The following MYT1L variants were observed in gnomAD, a reference collection of about 807,000 sequenced individuals.
MYT1L encodes myelin transcription factor 1-like protein.
Under a neutral mutation model 126.7 loss-of-function variants are expected in MYT1L, and 12 were observed. The observed-to-expected ratio is 0.09, with a 90% CI of 0.06 to 0.15. The LOEUF is 0.15. MYT1L is among the 10% of genes least tolerant of loss of function. The pLI, the probability that MYT1L is intolerant of heterozygous loss-of-function variation, is 1.00. For missense variants in MYT1L, 979 were observed against 1,585.2 expected (o/e 0.62, Z 6.49); for synonymous variants, 541 against 604.2 (o/e 0.90, Z 1.53).
intron 3 of MYT1L, among the ~76,000 whole-genome samples, chr2:2,155,318 C>A (rs1414069747): frequency 6.6e-6 from 1 of 152,186 alleles, no homozygotes; most frequent in Non-Finnish European, 1.5e-5. Flanking sequence ...CTCAGGGAAA[C>A]GAGAGCAAAG....
chr2:2,068,325 TC>T (rs1207280104), intron 3 of MYT1L, among the ~76,000 whole-genome samples: 2 of 152,080 alleles, frequency 1.3e-5, no homozygotes, highest in Non-Finnish European at 2.9e-5. Flanking sequence ...TGAAGCTTTC[TC>T]CAGGAAAACA....
At chr2:2,057,345 C>T (rs542633866) in intron 3 of MYT1L, among the ~76,000 whole-genome samples, 42 of 152,212 alleles carry the variant, frequency 2.8e-4, no homozygotes, top group Middle Eastern at 3.4e-3. Context: ...CACAGCCACG[C>T]CCAGCCTCTT....
At chr2:1,988,105 T>TC (rs2061186997) in intron 5 of MYT1L, among the ~76,000 whole-genome samples, 1 of 152,148 alleles carries the variant, frequency 6.6e-6, no homozygotes, top group Non-Finnish European at 1.5e-5. Flanking sequence ...TTGTGAGACC[T>TC]CCACCCTCCC....
chr2:2,099,795 T>C (rs1249424696), intron 3 of MYT1L, among the ~76,000 whole-genome samples: 1 of 152,260 alleles, frequency 6.6e-6, no homozygotes, highest in Non-Finnish European at 1.5e-5. Context: ...TTTTAAGGTA[T>C]GAATTCCGTT....
intron 3 of MYT1L, among the ~76,000 whole-genome samples, chr2:2,103,406 C>T (rs774657287): frequency 4.6e-5 from 7 of 152,224 alleles, no homozygotes; most frequent in East Asian, 1.9e-4. Flanking sequence ...CATGGCAACA[C>T]GTCCTCCTCT....
At chr2:2,069,274 C>T (rs1248364413) in intron 3 of MYT1L, among the ~76,000 whole-genome samples, 2 of 152,032 alleles carry the variant, frequency 1.3e-5, no homozygotes, top group African/African-American at 2.4e-5. Context: ...TCCCTGTGTC[C>T]ATGTGTTCTC....
At chr2:1,940,301 C>G (rs998191787) in intron 9 of MYT1L, among the ~76,000 whole-genome samples, 3 of 150,758 alleles carry the variant, frequency 2.0e-5, no homozygotes, top group Non-Finnish European at 4.4e-5. Flanking sequence ...CTGCACCCTG[C>G]CAGGATGCTC....
At chr2:2,123,410 C>T (rs1318002060) in intron 3 of MYT1L, among the ~76,000 whole-genome samples, 1 of 152,064 alleles carries the variant, frequency 6.6e-6, no homozygotes, top group Non-Finnish European at 1.5e-5. Flanking sequence ...GATCTGTGTC[C>T]CGCCCAAATC....
intron 4 of MYT1L, among the ~76,000 whole-genome samples, chr2:2,032,090 C>A (rs1169569025): frequency 3.1e-4 from 33 of 105,370 alleles, no homozygotes; most frequent in African/African-American, 1.3e-3. Context: ...GAGGGCCTTA[C>A]ACACACCCCT....
intron 2 of MYT1L, among the ~76,000 whole-genome samples, chr2:2,182,603 T>C (rs949173228): frequency 6.6e-6 from 1 of 152,142 alleles, no homozygotes; most frequent in South Asian, 2.1e-4. Flanking sequence ...TAGGGAGGGC[T>C]GGAGGCTTAG....
chr2:1,854,592 A>G (rs6712920), intron 18 of MYT1L, among the ~76,000 whole-genome samples: 69,629 of 152,108 alleles, frequency 0.46, 16,945 homozygotes, highest in Middle Eastern at 0.66. Flanking sequence ...AAACAAACAA[A>G]ACTATATTGA....
At chr2:1,849,693 T>C (rs2042966555) in intron 19 of MYT1L, among the ~76,000 whole-genome samples, 1 of 152,256 alleles carries the variant, frequency 6.6e-6, no homozygotes, top group Non-Finnish European at 1.5e-5. Flanking sequence ...GGAATCTGGG[T>C]GAAGAGCTTG....
chr2:2,126,067 T>G (rs1015030449), intron 3 of MYT1L, among the ~76,000 whole-genome samples: 1 of 152,162 alleles, frequency 6.6e-6, no homozygotes, highest in Admixed American at 6.5e-5. Context: ...GGCCTTGCAT[T>G]TGGAAAGGGG....
chr2:1,970,160 C>T (rs1200386448), intron 8 of MYT1L, among the ~76,000 whole-genome samples: 2 of 152,172 alleles, frequency 1.3e-5, no homozygotes, highest in South Asian at 2.1e-4. Flanking sequence ...ACAGAAGAAA[C>T]ATCCACTTCC....
chr2:2,140,484 G>C (rs1236877297), intron 3 of MYT1L, among the ~76,000 whole-genome samples: 1 of 143,132 alleles, frequency 7.0e-6, no homozygotes, highest in Non-Finnish European at 1.5e-5. Flanking sequence ...GCCCAGGCTG[G>C]AGTGCAGTGG....
chr2:1,917,450 G>C lies in MYT1L; in HGVS notation c.1484-111C>G. ...TAAAGAAAGAAATAAAGCAGGTGTC[G>C]GGGGCTAGGCTGTGACATCAGACTT... On this transcript the variant is annotated intron_variant, in intron 10 of 24. Transcript: ENST00000647738. This position sits in a 1 kb window ranked among gnomAD's most constrained non-coding sequence, Gnocchi z 5.9. 1 of 1,342,440 alleles carries C rather than the reference G, an allele frequency of 7.4e-7. No individual in the cohort carries two copies. The highest frequency in any genetic ancestry group is 1.0e-6 in the Non-Finnish European group (1 of 977,148). The allele number at this position is 1,342,440 out of a possible 1,614,324, so 83.2% of individuals were successfully genotyped here. A position where few individuals can be genotyped will look rare whatever the true frequency, so the allele number is the denominator to read the frequency against.
At chr2:2,027,585 C>T (rs2149885434) in intron 4 of MYT1L, among the ~76,000 whole-genome samples, 1 of 152,298 alleles carries the variant, frequency 6.6e-6, no homozygotes, top group East Asian at 1.9e-4. Context: ...TCTAATGTAT[C>T]ATAGAAATGC....
At chr2:1,934,307 T>TATATATAC (rs71276816) in intron 9 of MYT1L, among the ~76,000 whole-genome samples, 1 of 132,126 alleles carries the variant, frequency 7.6e-6, no homozygotes, top group African/African-American at 2.7e-5. Context: ...TATATATATA[T>TATATATAC]ACAACCTCAT....
chr2:1,917,314 C>G lies in MYT1L; in HGVS notation c.1509G>C (p.Glu503Asp). The change falls in exon 11 of 25, where the codon GAG becomes GAC. Residue 503 changes from glutamate (E) to aspartate (D), a missense_variant. Around this residue, in one of 12 missense-constraint regions of MYT1L, gnomAD observed 67 missense variants for 80.3 expected, o/e 0.83. Coordinates refer to ENST00000647738, the MANE Select transcript of MYT1L (RefSeq NM_001303052.2). The surrounding 1 kb of genome is among the most constrained non-coding windows in gnomAD (Gnocchi z 5.9). ...CACACCCGGGGGTTGGACACTTGCT[C>G]TCTTTCTTTTCTGTTCTTGAGGGAT... is the stretch of plus-strand genomic sequence containing the variant. ...GKDPSRTEKKESKCPTPGCDG... is the reference protein window; with the variant it reads ...GKDPSRTEKKDSKCPTPGCDG... 1 of 1,612,814 alleles carries G rather than the reference C, an allele frequency of 6.2e-7. No individual in the cohort carries two copies. Among genetic ancestry groups the G allele is most frequent in the Non-Finnish European group, 8.5e-7 (1 of 1,179,004 alleles).
Sources: allele counts gnomAD v4.1 joint callset (sites outside exome capture counted in the v4.1 genomes callset), GRCh38; gene constraint gnomAD v4.1.1; regional missense constraint gnomAD v4.1.1; non-coding constraint Gnocchi (gnomAD v3.1); transcripts MANE v1.5; gene names NCBI Gene and HGNC (gene_info 2026-07-23, HGNC 2026-07-21).